GLYATL1: variants seen among roughly 807,000 people sequenced by gnomAD.
The protein encoded by GLYATL1 is glycine-N-acyltransferase like 1.
Under a neutral mutation model 20.0 loss-of-function variants are expected in GLYATL1, and 15 were observed. That is an observed-to-expected ratio of 0.75 (90% confidence interval 0.50 to 1.15). The LOEUF is 1.15. Ranked by LOEUF, GLYATL1 falls within the 50% of genes most tolerant of loss-of-function variation. GLYATL1 has a pLI of 0.00. For synonymous variants in GLYATL1, 151 were observed against 131.5 expected (o/e 1.15, Z -1.01); for missense variants, 380 against 368.5 (o/e 1.03, Z -0.26).
At position 58,943,752 on chromosome 11, in the gene GLYATL1, G is replaced by A. The variant is rs141289284; in HGVS notation, c.-43+86G>A. The A allele has an allele frequency of 4.3e-4, 662 of 1,550,840 alleles. 1 individual carries two copies. In the East Asian group the frequency reaches 0.013, roughly 30 times the overall value. On this transcript the variant is annotated intron_variant, in intron 2 of 6. Coordinates refer to ENST00000532726, the MANE Select transcript of GLYATL1 (RefSeq NM_001389712.2). Reference sequence around the variant, plus strand: ...TTGGAGCAAATTTCTGATCCAAACTGGGTTTGGAGTCACAACAGGAAACAG... The same window carrying A: ...TTGGAGCAAATTTCTGATCCAAACTAGGTTTGGAGTCACAACAGGAAACAG...
At chr11:58,907,676 C>G (rs551288593) in exon 2 of GLYATL1, 1 of 194,614 alleles carries the variant, frequency 5.1e-6, no homozygotes, top group African/African-American at 2.3e-5. Flanking sequence ...TTAAATACTT[C>G]CTGATTTTTG....
At chr11:58,955,112 GTGGGAGCAGTGTAAGTAGAGAACTCCA>G in intron 5 of GLYATL1, 37 bp from the exon 6 acceptor site, 2 of 1,467,568 alleles carry the variant, frequency 1.4e-6, no homozygotes, top group Non-Finnish European at 1.9e-6. Flanking sequence ...TATTAATCAG[GTGGGAGCAGTGTAAGTAGAGAACTCCA>G]TGTCTGACAA....
chr11:58,931,655 G>T (rs1355313585), intron 1 of GLYATL1, among the ~76,000 whole-genome samples: 1 of 152,130 alleles, frequency 6.6e-6, no homozygotes, highest in African/African-American at 2.4e-5. Context: ...TTTGAAAGAT[G>T]TTGTAATGAC....
chr11:58,945,628 CAAAGGAG>C (rs1380549357), intron 2 of GLYATL1, among the ~76,000 whole-genome samples: 1 of 152,106 alleles, frequency 6.6e-6, no homozygotes, highest in African/African-American at 2.4e-5. Context: ...ACCAAAAGCT[CAAAGGAG>C]AAGACAATAG....
chr11:58,926,586 T>G (rs751819506), upstream of GLYATL1, among the ~76,000 whole-genome samples: 10 of 152,228 alleles, frequency 6.6e-5, 1 homozygote, highest in Non-Finnish European at 1.5e-4. Context: ...TGCTCTTCCA[T>G]GTTTACCAGA....
chr11:58,946,887 T>G, intron 2 of GLYATL1, 159 bp from the exon 3 acceptor site: 1 of 662,668 alleles, frequency 1.5e-6, no homozygotes, highest in Non-Finnish European at 2.7e-6. Context: ...TCTAAGAACT[T>G]GAGAAATTTA....
At chr11:58,921,644 C>T (rs56092931) in intron 1 of GLYATL1, among the ~76,000 whole-genome samples, 6,242 of 152,254 alleles carry the variant, frequency 0.041, 403 homozygotes, top group African/African-American at 0.14. Context: ...TCCAGACCAG[C>T]CTCTTCCATG....
At chr11:58,943,817 C>A in intron 2 of GLYATL1, 151 bp downstream of exon 2, 2 of 1,217,972 alleles carry the variant, frequency 1.6e-6, no homozygotes, top group Admixed American at 3.0e-5. Flanking sequence ...AATTAACTGG[C>A]CTGGATCCAG....
upstream of GLYATL1, among the ~76,000 whole-genome samples, chr11:58,925,531 G>A (rs1038688127): frequency 1.3e-5 from 2 of 151,108 alleles, no homozygotes; most frequent in Admixed American, 6.6e-5. Context: ...CTTTCTTTTT[G>A]TGTCTCTTTC....
chr11:58,932,679 A>G (rs1283832721), intron 1 of GLYATL1, among the ~76,000 whole-genome samples: 1 of 152,238 alleles, frequency 6.6e-6, no homozygotes, highest in African/African-American at 2.4e-5. Context: ...AACCTCAAAA[A>G]AGTAGTGCAA....
chr11:58,928,397 G>A (rs931707264), intron 1 of GLYATL1: 4 of 152,206 alleles, frequency 2.6e-5, no homozygotes, highest in Admixed American at 2.6e-4. Context: ...GGCTTCCTTT[G>A]CAGCTTTCCT....
downstream of GLYATL1, among the ~76,000 whole-genome samples, chr11:58,908,945 A>C (rs1854973921): frequency 6.6e-6 from 1 of 152,240 alleles, no homozygotes; most frequent in Non-Finnish European, 1.5e-5. Context: ...TTTCCAAAAA[A>C]GAAACTGAAG....
chr11:58,936,867 G>A (rs542469338), upstream of GLYATL1, among the ~76,000 whole-genome samples: 28 of 152,148 alleles, frequency 1.8e-4, no homozygotes, highest in African/African-American at 6.0e-4. Context: ...TGATTTCTCC[G>A]GAGGCACTGA....
At chr11:58,951,912 G>A (rs545383682) in intron 4 of GLYATL1, among the ~76,000 whole-genome samples, 143 of 151,792 alleles carry the variant, frequency 9.4e-4, no homozygotes, top group African/African-American at 3.3e-3. Flanking sequence ...TTTTTTTGTC[G>A]AAGTCTCTTG....
chr11:58,924,572 G>A (rs1590772681), upstream of GLYATL1, among the ~76,000 whole-genome samples: 1 of 152,096 alleles, frequency 6.6e-6, no homozygotes, highest in African/African-American at 2.4e-5. Context: ...ACATTTCCCC[G>A]TTTTTGTTTT....
chr11:58,912,525 C>T (rs1425220690), downstream of GLYATL1, among the ~76,000 whole-genome samples: 1 of 152,172 alleles, frequency 6.6e-6, no homozygotes, highest in Non-Finnish European at 1.5e-5. Flanking sequence ...AAAAGCTCTG[C>T]ACAGATGTAC....
upstream of GLYATL1, among the ~76,000 whole-genome samples, chr11:58,922,761 A>G (rs756237917): frequency 7.2e-5 from 11 of 152,114 alleles, no homozygotes; most frequent in Non-Finnish European, 1.2e-4. Context: ...CAAGCATTTT[A>G]CAGTATGCTG....
chr11:58,955,365 T>C lies in GLYATL1; in HGVS notation c.491+12T>C. 6.2e-7 allele frequency: 1 copy of C among 1,602,326 alleles called. No individual in the cohort carries two copies. Among genetic ancestry groups the C allele is most frequent in the Non-Finnish European group, 8.5e-7 (1 of 1,174,708 alleles). The stretch of plus-strand genomic sequence containing the variant: ...GATGAATTTGAAAGGTACAAAAACA[T>C]GTGCTGATCATTTATAATTGCGATT... On this transcript the variant is annotated intron_variant, in intron 6 of 6. Coordinates refer to ENST00000532726, the MANE Select transcript of GLYATL1 (RefSeq NM_001389712.2).
At chr11:58,936,704 A>G (rs1248949015), upstream of GLYATL1, among the ~76,000 whole-genome samples, 1 of 152,246 alleles carries the variant, frequency 6.6e-6, no homozygotes. Flanking sequence ...TAGTATAGCC[A>G]AAGTTTTGTT....
Sources: gnomAD v4.1 joint callset for allele counts (sites outside exome capture counted in the v4.1 genomes callset) on GRCh38, gnomAD v4.1.1 for gene constraint, MANE v1.5 for transcripts, NCBI Gene and HGNC (gene_info 2026-07-23, HGNC 2026-07-21) for gene names.